The following CDK18 variants were observed in gnomAD, a reference collection of about 807,000 sequenced individuals.
CDK18 encodes cyclin dependent kinase 18.
CDK18 carries 52 observed loss-of-function variants against 62.0 expected under a neutral mutation model. That is an observed-to-expected ratio of 0.84 (90% CI 0.67 to 1.06). The LOEUF (loss-of-function observed/expected upper bound fraction) is 1.06, where lower values mean the gene tolerates loss of function less well. Among genes scored for constraint, CDK18 ranks in the 50% least tolerant of loss-of-function variants. The pLI is 0.00. For missense variants in CDK18, 604 were observed against 619.9 expected (o/e 0.97, Z 0.27); for synonymous variants, 237 against 247.0 (o/e 0.96, Z 0.38).
Position 205,526,132 on chromosome 1 carries a change from T to A in CDK18, c.524T>A (p.Ile175Asn). 6.2e-7 allele frequency: 1 copy of A among 1,614,038 alleles called. No homozygotes were observed. Among genetic ancestry groups the A allele is most frequent in the Non-Finnish European group, 8.5e-7 (1 of 1,179,964 alleles). Residue 175 changes from isoleucine (I) to asparagine (N), a missense_variant, in exon 6 of 16, where the codon ATC (isoleucine) becomes AAC (asparagine). By Grantham distance (149) the Ile-to-Asn change is moderately radical (BLOSUM62 -3). Coordinates refer to ENST00000429964, the MANE Select transcript of CDK18 (RefSeq NM_212502.3). ...GAGAACCTTGTGGCCCTGAAAGAGA[T>A]CCGGCTGGAGCACGAGGAGGGAGCG... The part of the protein sequence containing the change: ...LTENLVALKE[I>N]RLEHEEGAPC...
intron 1 of CDK18, among the ~76,000 whole-genome samples, chr1:205,512,862 G>A (rs1667633435): frequency 6.6e-6 from 1 of 152,154 alleles, no homozygotes; most frequent in Admixed American, 6.5e-5. Flanking sequence ...CCCCTCCTGA[G>A]ACTGAGAGGT....
chr1:205,518,571 C>G (rs931339425), intron 1 of CDK18, among the ~76,000 whole-genome samples: 2 of 152,172 alleles, frequency 1.3e-5, no homozygotes, highest in African/African-American at 4.8e-5. Context: ...AAGAAAGGAG[C>G]AATATGGTCA....
chr1:205,525,283 G>A lies in CDK18; in HGVS notation c.456+88G>A, dbSNP rs41310919. 55,793 of 918,134 alleles carry A rather than the reference G, an allele frequency of 0.061. 2,294 individuals carry two copies. Among genetic ancestry groups the A allele is most frequent in the Admixed American group, 0.16 (7,054 of 43,968 alleles). 56.9% of individuals were successfully genotyped at this position (918,134 alleles called of 1,614,324 possible). ...CCTCCCTAGTCGGCCCTCTCTGGTC[G>A]GCCCTCTCTGGTTGGCCCTCTCCTG... On this transcript the variant is annotated intron_variant, in intron 5 of 15. Transcript: ENST00000429964.
rs778009278 is a variant in CDK18 at position 205,523,524 on chromosome 1, T to A, written c.172T>A (p.Cys58Ser). 1.2e-6 allele frequency: 2 copies of A among 1,606,318 alleles called. No individual in the cohort carries two copies. Among genetic ancestry groups the A allele is most frequent in the South Asian group, 2.2e-5 (2 of 89,650 alleles). ...TCTTGGCAGAGACCCCCCGCAGGAG[T>A]GCAGCACCTTCTCCCCAACAGACAG... The part of the protein sequence containing the change: ...GPLGRDPPQE[C>S]STFSPTDSGE... Residue 58 changes from cysteine to serine, a missense_variant, in exon 3 of 16, where the codon TGC (cysteine) becomes AGC (serine). Physicochemically the swap from Cys to Ser is moderately radical, Grantham distance 112 (BLOSUM62 -1). Coordinates refer to ENST00000429964, the MANE Select transcript of CDK18 (RefSeq NM_212502.3).
intron 14 of CDK18, 79 bp from the exon 15 acceptor site, chr1:205,530,549 A>T: frequency 7.4e-7 from 1 of 1,345,914 alleles, no homozygotes; most frequent in Non-Finnish European, 1.1e-6. Context: ...TCGAGGGCTC[A>T]GTTGGTCCTT....
At position 205,531,493 on chromosome 1, in the gene CDK18, C is replaced by A; in HGVS notation, c.*115C>A. 1.0e-6 allele frequency: 1 copy of A among 960,480 alleles called. No individual in the cohort carries two copies. Among genetic ancestry groups the A allele is most frequent in the Non-Finnish European group, 1.7e-6 (1 of 597,454 alleles). The allele number at this position is 960,480 out of a possible 1,614,324, so 59.5% of individuals were successfully genotyped here. On this transcript the variant is annotated 3_prime_UTR_variant, in exon 16 of 16. Coordinates refer to ENST00000429964, the MANE Select transcript of CDK18 (RefSeq NM_212502.3). ...TGAAGAACGAGGGCTGACAGCCAGC[C>A]TGGAAGACCGCTTGGCAGCCCTTCT...
At chr1:205,505,129 GC>G (rs1239614434) in intron 1 of CDK18, among the ~76,000 whole-genome samples, 1 of 152,122 alleles carries the variant, frequency 6.6e-6, no homozygotes, top group East Asian at 1.9e-4. Flanking sequence ...GATCACTTTG[GC>G]CCCTGGGCTC....
At chr1:205,523,001 C>A in intron 1 of CDK18, 146 bp from the exon 2 acceptor site, 2 of 838,128 alleles carry the variant, frequency 2.4e-6, no homozygotes, top group Non-Finnish European at 3.6e-6. Context: ...AGGGGTCAAA[C>A]TTTGCAGAAG....
intron 1 of CDK18, among the ~76,000 whole-genome samples, chr1:205,508,610 G>A (rs1451112828): frequency 6.6e-6 from 1 of 152,212 alleles, no homozygotes; most frequent in Non-Finnish European, 1.5e-5. Context: ...AACTGAAAAG[G>A]GAGGTGGGCG....
chr1:205,518,428 G>C (rs1027958002), intron 1 of CDK18, among the ~76,000 whole-genome samples: 1 of 152,130 alleles, frequency 6.6e-6, no homozygotes, highest in Non-Finnish European at 1.5e-5. Context: ...ACGTCATTGC[G>C]ATTCCATAGC....
At chr1:205,526,893 A>G (rs1668462586) in intron 8 of CDK18, 56 bp downstream of exon 8, 1 of 1,424,970 alleles carries the variant, frequency 7.0e-7, no homozygotes, top group South Asian at 1.1e-5. Context: ...CCAGAAGCCC[A>G]GTGTGGGGAC....
chr1:205,530,369 G>T lies in CDK18; in HGVS notation c.1312+20G>T, dbSNP rs776906010. 3.1e-6 allele frequency: 5 copies of T among 1,605,894 alleles called. No individual in the cohort carries two copies. The South Asian group carries it at 4.4e-5, about 14-fold the overall frequency. On this transcript the variant is annotated intron_variant, in intron 14 of 15. Transcript: ENST00000429964. ...AAGACAGTGAGTACTGGGGGTCCGG[G>T]AGCAGGGCCACCCAGAACCAAGGAA...
chr1:205,507,633 C>CAAAAAAAAA (rs56313401), intron 1 of CDK18, among the ~76,000 whole-genome samples: 1 of 72,198 alleles, frequency 1.4e-5, no homozygotes, highest in Non-Finnish European at 2.5e-5. Context: ...GACTCCGTCT[C>CAAAAAAAAA]AAAAAAAAAA....
At chr1:205,509,445 GCA>G (rs1338529043) in intron 1 of CDK18, among the ~76,000 whole-genome samples, 4 of 152,154 alleles carry the variant, frequency 2.6e-5, no homozygotes, top group Non-Finnish European at 5.9e-5. Context: ...ATGGGTGGAG[GCA>G]ATTTATGGAC....
intron 1 of CDK18, among the ~76,000 whole-genome samples, chr1:205,510,924 G>A (rs1329844189): frequency 6.6e-6 from 1 of 152,250 alleles, no homozygotes; most frequent in Non-Finnish European, 1.5e-5. Context: ...GTAGAGCCAG[G>A]GGCTTGCCCC....
chr1:205,529,342 C>T lies in CDK18; in HGVS notation c.1091C>T (p.Thr364Met). 1 of 1,613,810 alleles carries T rather than the reference C, an allele frequency of 6.2e-7. No individual in the cohort carries two copies. Among genetic ancestry groups the T allele is most frequent in the African/African-American group, 1.3e-5 (1 of 75,050 alleles). The change falls in exon 12 of 16, where the codon ACG becomes ATG. Residue 364 changes from threonine (T) to methionine (M), a missense_variant. By Grantham distance (81) the Thr-to-Met change is moderately conservative. Coordinates refer to ENST00000429964, the MANE Select transcript of CDK18 (RefSeq NM_212502.3). ...TCCCCAGGGACCCCCACAGAAGAGA[C>T]GTGGCCCGGCGTGACCGCCTTCTCT... ...FRLLGTPTEE[T>M]WPGVTAFSEF...
At chr1:205,510,841 T>G (rs1667534586) in intron 1 of CDK18, among the ~76,000 whole-genome samples, 1 of 152,208 alleles carries the variant, frequency 6.6e-6, no homozygotes, top group South Asian at 2.1e-4. Context: ...CTCCGACTTT[T>G]GCCTGTCCTG....
At chr1:205,505,017 G>A (rs951410562) in intron 1 of CDK18, 3 of 152,400 alleles carry the variant, frequency 2.0e-5, no homozygotes, top group Admixed American at 2.0e-4. Context: ...GTTGAGGGGT[G>A]GGGGGTGCCC....
In CDK18 at chr1:205,529,369, A is replaced by T. The variant is rs1668617997; in HGVS notation, c.1118A>T (p.Glu373Val). Residue 373 changes from glutamate (E) to valine (V), a missense_variant, in exon 12 of 16, where the codon GAG becomes GTG. Glu to Val is a moderately radical substitution (Grantham distance 121). Coordinates refer to ENST00000429964, the MANE Select transcript of CDK18 (RefSeq NM_212502.3). ...ETWPGVTAFS[E>V]FRTYSFPCYL... is the part of the protein sequence containing the mutation. ...TGGCCCGGCGTGACCGCCTTCTCTG[A>T]GTTCCGCACCTACAGCTTCCCCTGC... is the stretch of plus-strand genomic sequence containing the variant. 1 of 1,613,768 alleles carries T rather than the reference A, an allele frequency of 6.2e-7. No individual in the cohort carries two copies. Among genetic ancestry groups the T allele is most frequent in the South Asian group, 1.1e-5 (1 of 91,082 alleles).
Sources: allele counts gnomAD v4.1 joint callset (sites outside exome capture counted in the v4.1 genomes callset), GRCh38; gene constraint gnomAD v4.1.1; transcripts MANE v1.5; gene names NCBI Gene and HGNC (gene_info 2026-07-23, HGNC 2026-07-21).